ALG6: variants seen among roughly 807,000 people sequenced by gnomAD.
ALG6 encodes the protein dolichyl pyrophosphate Man9GlcNAc2 alpha-1,3-glucosyltransferase.
Under a neutral mutation model 66.6 loss-of-function variants are expected in ALG6, and 46 were observed. The observed-to-expected ratio is 0.69, with a 90% CI of 0.55 to 0.88. The LOEUF is 0.88. ALG6 is among the 40% of genes least tolerant of loss of function. ALG6 has a pLI of 0.00. For missense variants in ALG6, 505 were observed against 586.8 expected, an observed-to-expected ratio of 0.86 and a Z score of 1.44; for synonymous variants, 185 against 203.7, an observed-to-expected ratio of 0.91 and a Z score of 0.78.
At chr1:63,368,048 A>G (rs1310520007) in intron 1 of ALG6, among the ~76,000 whole-genome samples, 1 of 151,684 alleles carries the variant, frequency 6.6e-6, no homozygotes, top group Non-Finnish European at 1.5e-5. Flanking sequence ...ACTGCGGTGG[A>G]AGGACCTTTC....
At chr1:63,421,143 A>T (rs1644570929) in intron 12 of ALG6, among the ~76,000 whole-genome samples, 1 of 151,956 alleles carries the variant, frequency 6.6e-6, no homozygotes, top group Non-Finnish European at 1.5e-5. Flanking sequence ...GGAGTACTGG[A>T]GGATGGGATG....
intron 2 of ALG6, among the ~76,000 whole-genome samples, chr1:63,395,152 C>G (rs1648782654): frequency 6.6e-6 from 1 of 152,134 alleles, no homozygotes; most frequent in Non-Finnish European, 1.5e-5. Context: ...GTGTGAGCCT[C>G]CGCGCCTGGC....
At chr1:63,382,457 C>A (rs1303018415) in intron 2 of ALG6, among the ~76,000 whole-genome samples, 1 of 151,612 alleles carries the variant, frequency 6.6e-6, no homozygotes, top group Non-Finnish European at 1.5e-5. Context: ...CCCGCCTCAG[C>A]GCCCAGCTGA....
In ALG6 at chr1:63,394,246, A is replaced by G. The variant is rs74079854; in HGVS notation, c.83-2267A>G. 4.8e-3 allele frequency among the ~76,000 whole-genome samples: 736 copies of G among 152,332 alleles called. 4 individuals are homozygous for G. Among genetic ancestry groups the G allele is most frequent in the African/African-American group, 0.017 (697 of 41,574 alleles). ...TGACTCTATGTGATTTTTACCTTAC[A>G]TGCCAGTTTAAAAAGCTGTGATTAT... On this transcript the variant is annotated intron_variant, in intron 2 of 14. Coordinates refer to ENST00000263440, the MANE Select transcript of ALG6 (RefSeq NM_013339.4).
chr1:63,431,941 T>C (rs2100443460), intron 14 of ALG6, among the ~76,000 whole-genome samples: 1 of 152,310 alleles, frequency 6.6e-6, no homozygotes, highest in East Asian at 1.9e-4. Flanking sequence ...TAATGTAATC[T>C]GCAAACCATG....
chr1:63,417,222 G>A (rs1024630470), intron 11 of ALG6, among the ~76,000 whole-genome samples: 1 of 152,162 alleles, frequency 6.6e-6, no homozygotes, highest in African/African-American at 2.4e-5. Context: ...TATCTTCCAA[G>A]CTTGTGATAG....
chr1:63,377,386 C>T (rs1648168485), intron 2 of ALG6, among the ~76,000 whole-genome samples: 1 of 152,050 alleles, frequency 6.6e-6, no homozygotes, highest in African/African-American at 2.4e-5. Context: ...CTTGTTATAT[C>T]TTTTTCTGTC....
chr1:63,420,464 A>G (rs1644567682), intron 12 of ALG6, among the ~76,000 whole-genome samples: 1 of 152,232 alleles, frequency 6.6e-6, no homozygotes, highest in African/African-American at 2.4e-5. Flanking sequence ...GTTCTCAGAC[A>G]CTGAACTTCT....
intron 14 of ALG6, among the ~76,000 whole-genome samples, chr1:63,436,528 T>C (rs1164138746): frequency 6.6e-6 from 1 of 152,092 alleles, no homozygotes; most frequent in African/African-American, 2.4e-5. Context: ...GCCTTGGTGG[T>C]AGGAAGTATA....
At chr1:63,396,684 T>C in intron 3 of ALG6, 87 bp downstream of exon 3, 1 of 1,189,634 alleles carries the variant, frequency 8.4e-7, no homozygotes, top group Non-Finnish European at 1.2e-6. Context: ...GCTATTTTCT[T>C]CATCTTGAAC....
At chr1:63,430,341 A>G (rs993103738) in intron 14 of ALG6, among the ~76,000 whole-genome samples, 3 of 152,224 alleles carry the variant, frequency 2.0e-5, no homozygotes, top group Admixed American at 1.3e-4. Flanking sequence ...TGTTATGAAT[A>G]TAATAATGCT....
chr1:63,403,674 G>C (rs58146620), intron 4 of ALG6, among the ~76,000 whole-genome samples: 6,099 of 127,436 alleles, frequency 0.048, 395 homozygotes, highest in African/African-American at 0.17. Flanking sequence ...AGGCAAAATG[G>C]TATAGCCTAC....
chr1:63,382,655 GTTTTTTTTTGTTTT>G (rs530974909), intron 2 of ALG6, among the ~76,000 whole-genome samples: 13,749 of 80,364 alleles, frequency 0.17, 632 homozygotes, highest in Middle Eastern at 0.22. Context: ...TTTTTTGTTT[GTTTTTTTTTGTTTT>G]TTTTTTTTTG....
intron 2 of ALG6, among the ~76,000 whole-genome samples, chr1:63,387,491 T>G (rs923865640): frequency 4.6e-5 from 7 of 150,684 alleles, no homozygotes; most frequent in Non-Finnish European, 8.9e-5. Flanking sequence ...CTTGCTGAAT[T>G]GACCCGTTTG....
chr1:63,381,063 T>G (rs1648283113), intron 2 of ALG6, among the ~76,000 whole-genome samples: 1 of 152,216 alleles, frequency 6.6e-6, no homozygotes, highest in Non-Finnish European at 1.5e-5. Context: ...CTCACACCTG[T>G]AATCCCAGCA....
intron 3 of ALG6, among the ~76,000 whole-genome samples, chr1:63,401,700 A>G (rs1419775719): frequency 6.6e-6 from 1 of 152,002 alleles, no homozygotes; most frequent in Non-Finnish European, 1.5e-5. Flanking sequence ...CTTATGAACA[A>G]TGGTTATTTA....
At chr1:63,424,775 T>A (rs1373851892) in intron 12 of ALG6, among the ~76,000 whole-genome samples, 1 of 44,208 alleles carries the variant, frequency 2.3e-5, no homozygotes, top group Admixed American at 2.8e-4. Flanking sequence ...TTTGAGTTAA[T>A]TTTTTTTTTT....
chr1:63,425,189 AG>A (rs1298665895), intron 12 of ALG6, among the ~76,000 whole-genome samples: 1 of 152,180 alleles, frequency 6.6e-6, no homozygotes, highest in Non-Finnish European at 1.5e-5. Context: ...GGGTCAAGAT[AG>A]GTTTGTTTGT....
chr1:63,432,438 GAC>G (rs1447932388), intron 14 of ALG6, among the ~76,000 whole-genome samples: 1 of 152,130 alleles, frequency 6.6e-6, no homozygotes, highest in African/African-American at 2.4e-5. Flanking sequence ...ATTCATAAGA[GAC>G]ACTAACATGT....
Sources: gnomAD v4.1 joint callset for allele counts (sites outside exome capture counted in the v4.1 genomes callset) on GRCh38, gnomAD v4.1.1 for gene constraint, MANE v1.5 for transcripts, NCBI Gene and HGNC (gene_info 2026-07-23, HGNC 2026-07-21) for gene names.